Variants in UMAD1 observed in about 807,000 individuals in gnomAD.
UMAD1 encodes UBAP1-MVB12-associated (UMA) domain containing 1.
A neutral mutation model predicts 6.1 loss-of-function variants in UMAD1; 8 were observed. The observed-to-expected ratio is 1.30, with a 90% CI of 0.76 to 2.35. The LOEUF (loss-of-function observed/expected upper bound fraction) is 2.35. UMAD1 is among the 30% of genes most tolerant of loss of function. The pLI, the probability that UMAD1 is intolerant of heterozygous loss-of-function variation, is 0.00. For synonymous variants in UMAD1, 56 were observed against 31.4 expected (o/e 1.78, Z -2.61); for missense variants, 130 against 78.4 (o/e 1.66, Z -2.49).
At chr7:7,867,029 G>A (rs7812102) in intron 3 of UMAD1, among the ~76,000 whole-genome samples, 31,023 of 151,840 alleles carry the variant, frequency 0.2, 4,807 homozygotes, top group African/African-American at 0.42. Flanking sequence ...GTGAGAGGGA[G>A]GGAAACGTCA....
chr7:7,832,411 G>T (rs1425947144), intron 3 of UMAD1, among the ~76,000 whole-genome samples: 1 of 151,938 alleles, frequency 6.6e-6, no homozygotes, highest in East Asian at 1.9e-4. Flanking sequence ...TCACTAAAGA[G>T]GACTGATCCT....
At chr7:7,832,207 A>C (rs1483606056) in intron 3 of UMAD1, among the ~76,000 whole-genome samples, 1 of 152,216 alleles carries the variant, frequency 6.6e-6, no homozygotes, top group Non-Finnish European at 1.5e-5. Flanking sequence ...TTTGCCATTG[A>C]GCCTACAAGT....
intron 3 of UMAD1, among the ~76,000 whole-genome samples, chr7:7,835,987 T>C (rs1783561216): frequency 6.6e-6 from 1 of 152,070 alleles, no homozygotes; most frequent in Non-Finnish European, 1.5e-5. Context: ...CAAACAATTA[T>C]ATCTTTTGCT....
intron 2 of UMAD1, among the ~76,000 whole-genome samples, chr7:7,748,553 T>C (rs1781618396): frequency 6.6e-6 from 1 of 152,044 alleles, no homozygotes; most frequent in Admixed American, 6.6e-5. Flanking sequence ...AGGACTTATT[T>C]TTGGCTTAGA....
chr7:7,767,375 TCG>T (rs71014712), intron 2 of UMAD1, among the ~76,000 whole-genome samples: 13,131 of 152,032 alleles, frequency 0.086, 649 homozygotes, highest in South Asian at 0.14. Context: ...TCCGCCTGCC[TCG>T]GTCTCCCAAA....
intron 2 of UMAD1, among the ~76,000 whole-genome samples, chr7:7,754,202 AAAC>A (rs1256106891): frequency 6.6e-6 from 1 of 152,102 alleles, no homozygotes; most frequent in Non-Finnish European, 1.5e-5. Context: ...GAAAGAAAAA[AAAC>A]AAAGCAAAAC....
chr7:7,704,622 G>A (rs1270379590), intron 2 of UMAD1, among the ~76,000 whole-genome samples: 3 of 144,678 alleles, frequency 2.1e-5, no homozygotes, highest in African/African-American at 7.8e-5. Context: ...AAAAAAATTA[G>A]CTGGGCATGG....
At chr7:7,856,927 C>T (rs971431391) in intron 3 of UMAD1, among the ~76,000 whole-genome samples, 2 of 152,218 alleles carry the variant, frequency 1.3e-5, no homozygotes, top group African/African-American at 4.8e-5. Flanking sequence ...GTTTCCTTCT[C>T]ACTGATCGTC....
At chr7:7,706,307 G>C (rs1192552426) in intron 2 of UMAD1, among the ~76,000 whole-genome samples, 1 of 152,144 alleles carries the variant, frequency 6.6e-6, no homozygotes, top group Non-Finnish European at 1.5e-5. Context: ...ATCTAGAAGA[G>C]GTGGAAGTAG....
rs1001159079 is a variant in UMAD1 at position 7,790,717 on chromosome 7, C to T, written c.83-10953C>T. On this transcript the variant is annotated intron_variant, in intron 2 of 3. Coordinates refer to ENST00000682710, the MANE Select transcript of UMAD1 (RefSeq NM_001302348.2). Reference sequence around the variant, plus strand: ...TCCTAATTAAGGCAGTAATTTCTCACGTTCATCTTGTATAGCTGAATGACA... The same window carrying T: ...TCCTAATTAAGGCAGTAATTTCTCATGTTCATCTTGTATAGCTGAATGACA... 2.6e-5 allele frequency among the ~76,000 whole-genome samples: 4 copies of T among 152,312 alleles called. No individual in the cohort carries two copies. In the South Asian group the frequency reaches 6.2e-4, roughly 24 times the overall value.
intron 2 of UMAD1, among the ~76,000 whole-genome samples, chr7:7,677,647 T>C (rs1222388817): frequency 6.6e-6 from 1 of 150,980 alleles, no homozygotes; most frequent in East Asian, 2.0e-4. Context: ...TTTCTTTATC[T>C]ATTCATCTGT....
chr7:7,824,042 A>G (rs574141514), intron 3 of UMAD1, among the ~76,000 whole-genome samples: 2 of 152,278 alleles, frequency 1.3e-5, no homozygotes, highest in Admixed American at 1.3e-4. Context: ...ACTATTCCAA[A>G]CAACAAACAT....
intron 2 of UMAD1, among the ~76,000 whole-genome samples, chr7:7,708,982 A>G (rs1398873990): frequency 6.6e-6 from 1 of 151,862 alleles, no homozygotes; most frequent in Non-Finnish European, 1.5e-5. Flanking sequence ...AGGAAGGGAG[A>G]AAGTGTGGGA....
At chr7:7,689,441 T>C (rs1298559418) in intron 2 of UMAD1, 1 of 152,172 alleles carries the variant, frequency 6.6e-6, no homozygotes, top group Non-Finnish European at 1.5e-5. Context: ...TTGGGAGCTG[T>C]TTACCTCTGG....
At chr7:7,852,676 G>C (rs1473845586) in intron 3 of UMAD1, among the ~76,000 whole-genome samples, 1 of 152,198 alleles carries the variant, frequency 6.6e-6, no homozygotes, top group South Asian at 2.1e-4. Flanking sequence ...CTCTGTTCCT[G>C]TGGAGCTGGC....
intron 2 of UMAD1, chr7:7,692,268 T>A (rs773462356): frequency 6.6e-6 from 1 of 152,210 alleles, no homozygotes; most frequent in African/African-American, 2.4e-5. Flanking sequence ...AGGAAAATAA[T>A]GTGGGCAGGA....
At chr7:7,875,236 C>A (rs982194162) in intron 3 of UMAD1, among the ~76,000 whole-genome samples, 1 of 152,170 alleles carries the variant, frequency 6.6e-6, no homozygotes, top group Non-Finnish European at 1.5e-5. Context: ...CGGGAGAAAG[C>A]AGGAAAGATC....
At chr7:7,862,627 G>A (rs73061208) in intron 3 of UMAD1, among the ~76,000 whole-genome samples, 36,867 of 151,974 alleles carry the variant, frequency 0.24, 5,453 homozygotes, top group Non-Finnish European at 0.33. Context: ...GTTGTGGTTA[G>A]ATGCTGTAGT....
chr7:7,781,147 A>G (rs538571590), intron 2 of UMAD1, among the ~76,000 whole-genome samples: 3 of 152,320 alleles, frequency 2.0e-5, no homozygotes, highest in Admixed American at 6.5e-5. Context: ...CCTGACACAT[A>G]AACATTCAAT....
Sources: gnomAD v4.1 joint callset for allele counts (sites outside exome capture counted in the v4.1 genomes callset) on GRCh38, gnomAD v4.1.1 for gene constraint, MANE v1.5 for transcripts, NCBI Gene and HGNC (gene_info 2026-07-23, HGNC 2026-07-21) for gene names.